Variants in RPL31 observed in about 807,000 individuals in gnomAD.
RPL31 encodes the protein ribosomal protein L31, also known as large ribosomal subunit protein eL31.
For missense variants in RPL31, 95 were observed against 164.0 expected (o/e 0.58, Z 2.30); for synonymous variants, 51 against 55.0 (o/e 0.93, Z 0.32).
intron 4 of RPL31, among the ~76,000 whole-genome samples, chr2:101,013,470 A>C (rs1213415346): frequency 6.6e-6 from 1 of 152,232 alleles, no homozygotes; most frequent in African/African-American, 2.4e-5. Flanking sequence ...AATTTCTATT[A>C]AAGTGTTCAT....
rs771262989 is a variant in RPL31 at position 101,002,313 on chromosome 2, A to C, written c.-3A>C. ...TCTTCCTTTCCAACTTGGACGCTGC[A>C]GAGTGAGTATGGGTGGCGGAGTCTG... On this transcript the variant is annotated splice_region_variant and 5_prime_UTR_variant, in exon 1 of 5. Transcript: ENST00000264258. 3.7e-4 allele frequency: 68 copies of C among 185,498 alleles called. No individual in the cohort carries two copies. The highest frequency in any genetic ancestry group is 6.2e-4 in the Non-Finnish European group (55 of 88,630). The allele number at this position is 185,498 out of a possible 1,614,324, so 11.5% of individuals were successfully genotyped here.
intron 3 of RPL31, 134 bp downstream of exon 3, chr2:101,004,417 G>A (rs1351641545): frequency 1.1e-5 from 10 of 895,088 alleles, no homozygotes; most frequent in South Asian, 5.5e-5. Flanking sequence ...TACTGTGACC[G>A]TGACTTAGGG....
At chr2:101,008,611 C>T (rs1245949436), downstream of RPL31, among the ~76,000 whole-genome samples, 1 of 151,592 alleles carries the variant, frequency 6.6e-6, no homozygotes, top group African/African-American at 2.4e-5. Flanking sequence ...GGTTGGGAGT[C>T]AGACCAGCCC....
chr2:101,005,943 A>AT lies in RPL31; in HGVS notation c.234-14dup. The AT allele has an allele frequency of 6.2e-7, 1 of 1,608,438 alleles. No individual in the cohort carries two copies. The highest frequency in any genetic ancestry group is 8.5e-7 in the Non-Finnish European group (1 of 1,176,866). On this transcript the variant is annotated splice_polypyrimidine_tract_variant and intron_variant, in intron 3 of 4. Transcript: ENST00000264258. ...AGGAGGCATTGACTTCAGCAACACA[A>AT]TTATGTTTTTATTAGGAATGTGCCA...
chr2:101,014,082 A>G (rs1250879954), intron 4 of RPL31, among the ~76,000 whole-genome samples: 1 of 152,214 alleles, frequency 6.6e-6, no homozygotes, highest in Non-Finnish European at 1.5e-5. Context: ...GGAGGCAGGG[A>G]TCATACATCC....
chr2:101,002,459 G>T, intron 1 of RPL31, 144 bp downstream of exon 1: 1 of 555,498 alleles, frequency 1.8e-6, no homozygotes, highest in Non-Finnish European at 3.3e-6. Flanking sequence ...GCTTTTAAAG[G>T]CTCCCAGAGC....
rs143412648 is a variant in RPL31 at position 101,012,787 on chromosome 2, C to G, written c.347-6211C>G. Among the ~76,000 whole-genome samples the G allele has an allele frequency of 3.9e-5, 6 of 152,256 alleles. No individual in the cohort carries two copies. In the East Asian group the frequency reaches 1.2e-3, roughly 29 times the overall value. On this transcript the variant is annotated intron_variant, in intron 4 of 4. Coordinates refer to the RPL31 transcript ENST00000409028. Reference sequence around the variant, plus strand: ...TGGAACTTATTCGTAAACCATTTCACTGAAAATAAATCAAAGGCAAAATTC... The same window carrying G: ...TGGAACTTATTCGTAAACCATTTCAGTGAAAATAAATCAAAGGCAAAATTC...
At chr2:101,014,817 A>G (rs1221788621) in intron 4 of RPL31, among the ~76,000 whole-genome samples, 2 of 152,194 alleles carry the variant, frequency 1.3e-5, no homozygotes, top group Non-Finnish European at 2.9e-5. Context: ...GAATCAAGAT[A>G]GTGGGTATAA....
At chr2:101,003,110 C>T (rs1328362481) in intron 2 of RPL31, among the ~76,000 whole-genome samples, 4 of 152,202 alleles carry the variant, frequency 2.6e-5, no homozygotes, top group Non-Finnish European at 4.4e-5. Flanking sequence ...CCTCCATCGG[C>T]CTTCTATCTT....
chr2:101,014,946 A>G (rs1435577919), intron 4 of RPL31, among the ~76,000 whole-genome samples: 1 of 152,128 alleles, frequency 6.6e-6, no homozygotes, highest in East Asian at 1.9e-4. Context: ...TTTTCTCCAC[A>G]GCAAATATTC....
chr2:101,008,273 T>C (rs942376826), downstream of RPL31: 2 of 1,518,436 alleles, frequency 1.3e-6, no homozygotes, highest in Non-Finnish European at 1.8e-6. Context: ...ATAAATTCTC[T>C]CTGAAATTGA....
intron 4 of RPL31, chr2:101,017,886 C>CA: frequency 1.9e-6 from 3 of 1,550,936 alleles, no homozygotes; most frequent in Non-Finnish European, 2.6e-6. Flanking sequence ...CTCTTCAAAA[C>CA]AGATTGTCAC....
At chr2:101,011,374 G>C, downstream of RPL31, 2 of 1,397,162 alleles carry the variant, frequency 1.4e-6, no homozygotes, top group Non-Finnish European at 2.0e-6. Flanking sequence ...TACAAGAAGA[G>C]GGATGAGGGC....
intron 4 of RPL31, among the ~76,000 whole-genome samples, chr2:101,016,276 C>T (rs1679629235): frequency 6.6e-6 from 1 of 152,160 alleles, no homozygotes; most frequent in African/African-American, 2.4e-5. Context: ...TATGAACAGA[C>T]ACTTCTCAAA....
At chr2:101,004,694 C>A in intron 3 of RPL31, 1 of 210,132 alleles carries the variant, frequency 4.8e-6, no homozygotes, top group African/African-American at 2.3e-5. Flanking sequence ...CCTGTCCTTC[C>A]CGGGGTTGTG....
downstream of RPL31, among the ~76,000 whole-genome samples, chr2:101,008,882 T>C (rs973247612): frequency 6.6e-6 from 1 of 152,054 alleles, no homozygotes; most frequent in East Asian, 1.9e-4. Flanking sequence ...GAGTTTATAA[T>C]AGGAAAATGC....
chr2:101,008,165 TCTG>T (rs1254402590), downstream of RPL31: 1 of 1,613,704 alleles, frequency 6.2e-7, no homozygotes, highest in Non-Finnish European at 8.5e-7. Context: ...ACCTCCCCGA[TCTG>T]CAGCAGCAGT....
intron 4 of RPL31, among the ~76,000 whole-genome samples, chr2:101,014,349 T>A (rs761781638): frequency 2.0e-5 from 3 of 152,196 alleles, no homozygotes; most frequent in Non-Finnish European, 2.9e-5. Context: ...TCTGGTATCA[T>A]TTCTGATGTA....
At chr2:101,009,418 A>G (rs113558923), downstream of RPL31, among the ~76,000 whole-genome samples, 72 of 152,070 alleles carry the variant, frequency 4.7e-4, no homozygotes, top group African/African-American at 1.6e-3. Flanking sequence ...AAAAAAAAAA[A>G]AAAAAGAAAA....
Sources: gnomAD v4.1 joint callset for allele counts (sites outside exome capture counted in the v4.1 genomes callset) on GRCh38, gnomAD v4.1.1 for gene constraint, MANE v1.5 for transcripts, NCBI Gene and HGNC (gene_info 2026-07-23, HGNC 2026-07-21) for gene names.